STT3A: variants seen among roughly 807,000 people sequenced by gnomAD.
The protein encoded by STT3A is dolichyl-diphosphooligosaccharide--protein glycosyltransferase subunit STT3A.
In STT3A, 34 loss-of-function variants were observed where a neutral mutation model predicts 89.2. The observed-to-expected ratio is 0.38, with a 90% CI of 0.29 to 0.51. The LOEUF is 0.51. Ranked by LOEUF, STT3A falls within the 20% of genes least tolerant of loss-of-function variation. The pLI, the probability that STT3A is intolerant of heterozygous loss-of-function variation, is 0.89. For missense variants in STT3A, 555 were observed against 889.5 expected (o/e 0.62, Z 4.78); for synonymous variants, 282 against 310.3 (o/e 0.91, Z 0.96).
Position 125,604,213 on chromosome 11 carries a change from C to A in STT3A, c.474C>A (p.Ile158=), listed in dbSNP as rs766056384. Residue 158 remains isoleucine, a synonymous_variant, in exon 6 of 18, where the codon ATC becomes ATA. Coordinates refer to ENST00000392708, the MANE Select transcript of STT3A (RefSeq NM_152713.5). ...AAMIAVVPGY[I]SRSVAGSYDN... is the part of the protein sequence containing the mutation. Reference sequence around the variant, plus strand: ...TGATTGCTGTAGTTCCTGGATATATCTCCCGATCTGTGGCTGGCTCCTATG... The same window carrying A: ...TGATTGCTGTAGTTCCTGGATATATATCCCGATCTGTGGCTGGCTCCTATG... 1.2e-6 allele frequency: 2 copies of A among 1,614,012 alleles called. No homozygotes were observed. The highest frequency in any genetic ancestry group is 1.7e-6 in the Non-Finnish European group (2 of 1,179,930).
chr11:125,595,684 C>G (rs1939471064), intron 1 of STT3A, among the ~76,000 whole-genome samples, 197 bp from the exon 2 acceptor site: 1 of 152,184 alleles, frequency 6.6e-6, no homozygotes, highest in African/African-American at 2.4e-5. Flanking sequence ...AGTCTTGACA[C>G]ATAGACCTGA....
At position 125,601,720 on chromosome 11, in the gene STT3A, C is replaced by G. The variant is rs375397370; in HGVS notation, c.150-583C>G. Among the ~76,000 whole-genome samples the G allele has an allele frequency of 5.9e-5, 9 of 152,254 alleles. No individual in the cohort carries two copies. The East Asian group carries it at 1.7e-3, about 29-fold the overall frequency. On this transcript the variant is annotated intron_variant, in intron 3 of 17. Coordinates refer to ENST00000392708, the MANE Select transcript of STT3A (RefSeq NM_152713.5). ...TTGAATTCTCTGACTGGTCCTAATG[C>G]CTACCACATGTCAGCTTGTTGAAGT...
intron 15 of STT3A, among the ~76,000 whole-genome samples, chr11:125,616,134 C>T (rs1438488851): frequency 6.6e-6 from 1 of 152,186 alleles, no homozygotes; most frequent in Non-Finnish European, 1.5e-5. Flanking sequence ...GTGTAGTTGT[C>T]CCTCTGTATC....
At chr11:125,602,639 A>G in intron 4 of STT3A, 164 bp from the exon 5 acceptor site, 1 of 1,104,146 alleles carries the variant, frequency 9.1e-7, no homozygotes, top group East Asian at 2.6e-5. Context: ...TTCTGATTGA[A>G]TCCTTAGGGG....
In STT3A at chr11:125,605,829, G is replaced by C. The variant is rs932575731; in HGVS notation, c.615+94G>C. On this transcript the variant is annotated intron_variant, in intron 7 of 17. Coordinates refer to ENST00000392708, the MANE Select transcript of STT3A (RefSeq NM_152713.5). Reference sequence around the variant, plus strand: ...GTTTGACCAACTTTCTTTTCTGGTAGGTTCCCCTAAATTTTTTTCTTTTCC... The same window carrying C: ...GTTTGACCAACTTTCTTTTCTGGTACGTTCCCCTAAATTTTTTTCTTTTCC... 65 of 1,080,036 alleles carry C rather than the reference G, an allele frequency of 6.0e-5. 1 individual carries two copies. In the African/African-American group the frequency reaches 8.8e-4, roughly 15 times the overall value. The allele number at this position is 1,080,036 out of a possible 1,614,324, so 66.9% of individuals were successfully genotyped here.
chr11:125,611,958 A>G (rs755118972), intron 11 of STT3A, among the ~76,000 whole-genome samples: 1 of 139,684 alleles, frequency 7.2e-6, no homozygotes, highest in African/African-American at 2.7e-5. Flanking sequence ...GCTCACCACA[A>G]CTGCCGCCTG....
intron 1 of STT3A, 123 bp from the exon 2 acceptor site, chr11:125,595,758 T>G: frequency 1.6e-6 from 1 of 610,340 alleles, no homozygotes; most frequent in African/African-American, 1.9e-5. Context: ...AGTATTAGCC[T>G]TGACCCTGTC....
intron 10 of STT3A, chr11:125,609,890 G>A (rs924802919): frequency 4.1e-5 from 13 of 315,410 alleles, no homozygotes; most frequent in East Asian, 1.9e-4. Flanking sequence ...TACTTCTGTC[G>A]TACTCCTTCC....
At chr11:125,602,155 C>T in intron 3 of STT3A, 148 bp from the exon 4 acceptor site, 1 of 916,400 alleles carries the variant, frequency 1.1e-6, no homozygotes, top group Non-Finnish European at 1.6e-6. Context: ...TAGAAGTAAA[C>T]AGACTTATGG....
chr11:125,620,902 T>C lies in STT3A; in HGVS notation c.*92T>C. 8.7e-7 allele frequency: 1 copy of C among 1,150,598 alleles called. No individual in the cohort carries two copies. Among genetic ancestry groups the C allele is most frequent in the Non-Finnish European group, 1.2e-6 (1 of 815,022 alleles). 71.3% of individuals were successfully genotyped at this position (1,150,598 alleles called of 1,614,324 possible). On this transcript the variant is annotated 3_prime_UTR_variant, in exon 18 of 18. Coordinates refer to ENST00000392708, the MANE Select transcript of STT3A (RefSeq NM_152713.5). Reference sequence around the variant, plus strand: ...TTTTTTTTTTTTTTTAATATGCAGTTTGTAAGAACAAAACTGGATGGCATC... The same window carrying C: ...TTTTTTTTTTTTTTTAATATGCAGTCTGTAAGAACAAAACTGGATGGCATC...
chr11:125,609,369 T>C, intron 9 of STT3A, 65 bp from the exon 10 acceptor site: 1 of 1,477,866 alleles, frequency 6.8e-7, no homozygotes, highest in Non-Finnish European at 9.0e-7. Context: ...GAAGTTGTGA[T>C]TCATTTGGAT....
At chr11:125,609,026 CTTCT>C (rs1939920813) in intron 9 of STT3A, among the ~76,000 whole-genome samples, 1 of 152,118 alleles carries the variant, frequency 6.6e-6, no homozygotes, top group Admixed American at 6.6e-5. Flanking sequence ...CCAAATTTTC[CTTCT>C]TTTTCTCTAC....
intron 3 of STT3A, among the ~76,000 whole-genome samples, chr11:125,601,315 C>T (rs1939669225): frequency 6.6e-6 from 1 of 152,090 alleles, no homozygotes; most frequent in Non-Finnish European, 1.5e-5. Flanking sequence ...AAAATATGTT[C>T]CTGTCACTTA....
intron 3 of STT3A, among the ~76,000 whole-genome samples, chr11:125,598,711 C>T (rs939390683): frequency 6.6e-6 from 1 of 151,992 alleles, no homozygotes; most frequent in Non-Finnish European, 1.5e-5. Flanking sequence ...CCTAAGTGAT[C>T]CCCCCACCTC....
At chr11:125,597,307 C>T (rs556258306) in intron 3 of STT3A, among the ~76,000 whole-genome samples, 188 bp downstream of exon 3, 3 of 151,140 alleles carry the variant, frequency 2.0e-5, no homozygotes, top group African/African-American at 7.3e-5. Flanking sequence ...TGTTGGAGTC[C>T]AGCACAGTGG....
intron 9 of STT3A, among the ~76,000 whole-genome samples, chr11:125,608,813 A>G (rs1939914756): frequency 6.6e-6 from 1 of 152,208 alleles, no homozygotes; most frequent in Admixed American, 6.5e-5. Context: ...GCATAGCAGA[A>G]AATATCTTGT....
At chr11:125,600,018 T>TA (rs1939623597) in intron 3 of STT3A, among the ~76,000 whole-genome samples, 1 of 151,646 alleles carries the variant, frequency 6.6e-6, no homozygotes, top group Non-Finnish European at 1.5e-5. Flanking sequence ...CATTAACTAC[T>TA]ACGCCGGCCT....
At position 125,613,998 on chromosome 11, in the gene STT3A, T is replaced by C; in HGVS notation, c.1555-89T>C. The C allele has an allele frequency of 8.6e-7, 1 of 1,163,338 alleles. No individual in the cohort carries two copies. Among genetic ancestry groups the C allele is most frequent in the Non-Finnish European group, 1.3e-6 (1 of 787,322 alleles). The allele number at this position is 1,163,338 out of a possible 1,614,324, so 72.1% of individuals were successfully genotyped here. A position where few individuals can be genotyped will look rare whatever the true frequency, so the allele number is the denominator to read the frequency against. On this transcript the variant is annotated intron_variant, in intron 13 of 17. Coordinates refer to ENST00000392708, the MANE Select transcript of STT3A (RefSeq NM_152713.5). This position sits in a 1 kb window ranked among gnomAD's most constrained non-coding sequence, Gnocchi z 4.2. ...ATTGATTAGTTAGCCAGGTGTCACTTCTGTCAGACCAAAGATGCCTTCTCT... is the reference window on the plus strand; with the variant it reads ...ATTGATTAGTTAGCCAGGTGTCACTCCTGTCAGACCAAAGATGCCTTCTCT...
At chr11:125,611,785 T>G (rs1446960762) in intron 11 of STT3A, among the ~76,000 whole-genome samples, 3 of 151,230 alleles carry the variant, frequency 2.0e-5, no homozygotes, top group African/African-American at 7.3e-5. Context: ...CCTGGGTGTC[T>G]TAAAACGGGA....
Sources: allele counts gnomAD v4.1 joint callset (sites outside exome capture counted in the v4.1 genomes callset), GRCh38; gene constraint gnomAD v4.1.1; non-coding constraint Gnocchi (gnomAD v3.1); transcripts MANE v1.5; gene names NCBI Gene and HGNC (gene_info 2026-07-23, HGNC 2026-07-21).